Variants in GABRB1 observed in about 807,000 individuals in gnomAD.
The protein encoded by GABRB1 is gamma-aminobutyric acid type A receptor subunit beta1.
Under a neutral mutation model 51.6 loss-of-function variants are expected in GABRB1, and 17 were observed. That is an observed-to-expected ratio of 0.33 (90% CI 0.23 to 0.49). The LOEUF is 0.49. GABRB1 is among the 20% of genes least tolerant of loss of function. GABRB1 has a pLI of 0.99. For missense variants in GABRB1, 410 were observed against 600.6 expected, an observed-to-expected ratio of 0.68 and a Z score of 3.32; for synonymous variants, 247 against 218.9, an observed-to-expected ratio of 1.13 and a Z score of -1.14.
intron 1 of GABRB1, among the ~76,000 whole-genome samples, chr4:47,000,813 T>A (rs951247394): frequency 3.9e-5 from 6 of 152,196 alleles, no homozygotes; most frequent in African/African-American, 1.4e-4. Flanking sequence ...AGTAAGCATT[T>A]CAAGTTAGAC....
chr4:47,158,003 T>G lies in GABRB1; in HGVS notation c.241-3246T>G, dbSNP rs541220373. Among the ~76,000 whole-genome samples, 6 of 152,194 alleles carry G rather than the reference T, an allele frequency of 3.9e-5. No homozygotes were observed. The South Asian group carries it at 6.2e-4, about 16-fold the overall frequency. On this transcript the variant is annotated intron_variant, in intron 3 of 8. Transcript: ENST00000295454. The stretch of plus-strand genomic sequence containing the variant: ...CTTGAATTTATAACCACGATATAAT[T>G]TTTACTCAATATGTATTGAAAACAG...
At chr4:47,343,425 G>T (rs1254981995) in intron 5 of GABRB1, among the ~76,000 whole-genome samples, 1 of 152,134 alleles carries the variant, frequency 6.6e-6, no homozygotes, top group Non-Finnish European at 1.5e-5. Flanking sequence ...TGGAAATATT[G>T]CCAGTAGAAA....
chr4:47,036,891 AAAAGT>A (rs1725597114), intron 3 of GABRB1, among the ~76,000 whole-genome samples: 1 of 152,136 alleles, frequency 6.6e-6, no homozygotes, highest in African/African-American at 2.4e-5. Context: ...AAAAAGAAAG[AAAAGT>A]AAAGAAAAAA....
At chr4:47,397,309 A>G (rs1728210259) in intron 5 of GABRB1, among the ~76,000 whole-genome samples, 1 of 152,224 alleles carries the variant, frequency 6.6e-6, no homozygotes, top group African/African-American at 2.4e-5. Context: ...ATAGTTTATG[A>G]CATGAAATAG....
intron 3 of GABRB1, 92 bp from the exon 4 acceptor site, chr4:47,161,157 T>C: frequency 1.2e-6 from 1 of 860,034 alleles, no homozygotes; most frequent in South Asian, 1.7e-5. Flanking sequence ...TATTCAAATG[T>C]AATCTCTTAC....
In GABRB1 at chr4:47,200,181, T is replaced by C. The variant is rs1219530423; in HGVS notation, c.461+38712T>C. On this transcript the variant is annotated intron_variant, in intron 4 of 8. Coordinates refer to ENST00000295454, the MANE Select transcript of GABRB1 (RefSeq NM_000812.4). ...GCTGGTAGGACCAATCGATTGTTGG[T>C]CCTGCAGGGGTCAAAACGTTGTTGG... 2.0e-5 allele frequency among the ~76,000 whole-genome samples: 3 copies of C among 152,278 alleles called. No individual in the cohort carries two copies. In the East Asian group the frequency reaches 5.8e-4, roughly 29 times the overall value.
intron 1 of GABRB1, among the ~76,000 whole-genome samples, chr4:47,020,234 C>T (rs1217877031): frequency 1.3e-5 from 2 of 152,146 alleles, no homozygotes; most frequent in African/African-American, 2.4e-5. Context: ...GGACCCCAAC[C>T]TTTCTGACCT....
intron 3 of GABRB1, among the ~76,000 whole-genome samples, chr4:47,101,852 G>A (rs1284486422): frequency 6.6e-6 from 1 of 151,960 alleles, no homozygotes; most frequent in Non-Finnish European, 1.5e-5. Context: ...CTTAGATATG[G>A]CATGCTTATT....
intron 4 of GABRB1, among the ~76,000 whole-genome samples, chr4:47,198,572 G>A (rs934982196): frequency 6.6e-6 from 1 of 152,122 alleles, no homozygotes; most frequent in Non-Finnish European, 1.5e-5. Context: ...TGTTAAAAGT[G>A]CTAGTGTGAG....
chr4:47,088,338 AT>A (rs1239449691), intron 3 of GABRB1, among the ~76,000 whole-genome samples: 1 of 152,232 alleles, frequency 6.6e-6, no homozygotes, highest in Non-Finnish European at 1.5e-5. Flanking sequence ...AGATACAAGC[AT>A]CTGGGTCAAA....
At chr4:47,112,375 A>T (rs997731075) in intron 3 of GABRB1, among the ~76,000 whole-genome samples, 7 of 152,144 alleles carry the variant, frequency 4.6e-5, no homozygotes, top group African/African-American at 7.2e-5. Flanking sequence ...AAGTGCTGGG[A>T]TTACAGGCGT....
At chr4:47,276,002 A>C (rs751534303) in intron 4 of GABRB1, among the ~76,000 whole-genome samples, 5 of 152,190 alleles carry the variant, frequency 3.3e-5, no homozygotes, top group Non-Finnish European at 4.4e-5. Context: ...CATGAAACTG[A>C]AAAACAGAAA....
intron 3 of GABRB1, among the ~76,000 whole-genome samples, chr4:47,150,173 C>G (rs1717361457): frequency 1.5e-5 from 2 of 133,112 alleles, no homozygotes; most frequent in African/African-American, 2.9e-5. Flanking sequence ...CTTATACACA[C>G]ACACACACAA....
chr4:47,127,418 T>G (rs1716202329), intron 3 of GABRB1, among the ~76,000 whole-genome samples: 1 of 151,844 alleles, frequency 6.6e-6, no homozygotes, highest in Non-Finnish European at 1.5e-5. Context: ...TGTTAAACAA[T>G]TTGCCTTAAC....
intron 4 of GABRB1, among the ~76,000 whole-genome samples, chr4:47,164,929 T>G (rs1424251069): frequency 6.6e-6 from 1 of 151,986 alleles, no homozygotes; most frequent in Admixed American, 6.6e-5. Context: ...TAGGTCACCC[T>G]CCTGTGACAA....
intron 4 of GABRB1, among the ~76,000 whole-genome samples, chr4:47,186,577 G>A (rs2109777295): frequency 6.6e-6 from 1 of 151,884 alleles, no homozygotes; most frequent in Non-Finnish European, 1.5e-5. Flanking sequence ...AATTGTTCAT[G>A]TTTCTAACCA....
At chr4:47,059,433 A>G (rs1726754822) in intron 3 of GABRB1, among the ~76,000 whole-genome samples, 1 of 152,110 alleles carries the variant, frequency 6.6e-6, no homozygotes, top group African/African-American at 2.4e-5. Context: ...CACCCTACTG[A>G]GTAACTGGGA....
intron 4 of GABRB1, among the ~76,000 whole-genome samples, chr4:47,273,472 A>G (rs1722952044): frequency 6.6e-6 from 1 of 152,170 alleles, no homozygotes; most frequent in Non-Finnish European, 1.5e-5. Flanking sequence ...GGAAGAAGCC[A>G]TGCCCCAAAG....
chr4:47,121,332 C>T (rs181323484), intron 3 of GABRB1, among the ~76,000 whole-genome samples: 1 of 152,266 alleles, frequency 6.6e-6, no homozygotes, highest in East Asian at 1.9e-4. Context: ...GAGGCCACTG[C>T]CAGGGAATAG....
Sources: gnomAD v4.1 joint callset for allele counts (sites outside exome capture counted in the v4.1 genomes callset) on GRCh38, gnomAD v4.1.1 for gene constraint, MANE v1.5 for transcripts, NCBI Gene and HGNC (gene_info 2026-07-23, HGNC 2026-07-21) for gene names.